The following PTPRM variants were observed in gnomAD, a reference collection of about 807,000 sequenced individuals.
PTPRM encodes receptor-type tyrosine-protein phosphatase mu.
PTPRM carries 47 observed loss-of-function variants against 186.7 expected under a neutral mutation model. That is an observed-to-expected ratio of 0.25 (90% CI 0.20 to 0.32). The LOEUF is 0.32. Ranked by LOEUF, PTPRM falls within the 10% of genes least tolerant of loss-of-function variation. The probability of loss-of-function intolerance (pLI) is 1.00; values close to 1 mark genes in which losing one functional copy is unlikely to be tolerated. For missense variants in PTPRM, 1,494 were observed against 1,865.0 expected (o/e 0.80, Z 3.66); for synonymous variants, 668 against 674.9 (o/e 0.99, Z 0.16).
chr18:8,052,256 C>T (rs2087556825), intron 7 of PTPRM, among the ~76,000 whole-genome samples: 1 of 152,178 alleles, frequency 6.6e-6, no homozygotes, highest in African/African-American at 2.4e-5. Context: ...GGCTTCATCA[C>T]AGGCCCAACA....
At chr18:8,032,636 G>A (rs1206966550) in intron 7 of PTPRM, among the ~76,000 whole-genome samples, 2 of 152,060 alleles carry the variant, frequency 1.3e-5, no homozygotes, top group African/African-American at 2.4e-5. Flanking sequence ...AGAATTATGG[G>A]CATGTGAAAC....
intron 2 of PTPRM, among the ~76,000 whole-genome samples, chr18:7,838,973 G>T (rs1028520389): frequency 6.6e-6 from 1 of 152,166 alleles, no homozygotes; most frequent in Non-Finnish European, 1.5e-5. Flanking sequence ...AGGGAGTACT[G>T]CCAGACTACC....
At position 7,705,317 on chromosome 18, in the gene PTPRM, ATCTATCTATCTG is replaced by A. The variant is rs1158885701; in HGVS notation, c.74-68823_74-68812del. On this transcript the variant is annotated intron_variant, in intron 1 of 32. Coordinates refer to ENST00000580170, the MANE Select transcript of PTPRM (RefSeq NM_001105244.2). ...TATCTATCTATCTATCTATCTATCT[ATCTATCTATCTG>A]TCTATCTAGCTAGCTAGCTAGCTAT... Among the ~76,000 whole-genome samples the A allele has an allele frequency of 5.7e-3, 831 of 147,040 alleles. 5 individuals carry two copies. Among genetic ancestry groups the A allele is most frequent in the Admixed American group, 8.4e-3 (124 of 14,800 alleles).
intron 3 of PTPRM, among the ~76,000 whole-genome samples, chr18:7,894,864 A>G (rs898883675): frequency 6.6e-6 from 1 of 152,174 alleles, no homozygotes. Flanking sequence ...AGGCTGCAGG[A>G]TATATTCTAG....
intron 1 of PTPRM, among the ~76,000 whole-genome samples, chr18:7,676,663 A>ATGTGTGTG (rs765723760): frequency 1.9e-5 from 2 of 103,052 alleles, no homozygotes; most frequent in Non-Finnish European, 2.2e-5. Context: ...GTGTGTGTGT[A>ATGTGTGTG]TGTGTGTGTG....
intron 11 of PTPRM, among the ~76,000 whole-genome samples, chr18:8,098,051 A>G (rs1189064251): frequency 6.6e-6 from 1 of 152,188 alleles, no homozygotes; most frequent in Non-Finnish European, 1.5e-5. Flanking sequence ...GTCACATACC[A>G]TATAGCTCTG....
intron 2 of PTPRM, among the ~76,000 whole-genome samples, chr18:7,808,321 G>A (rs2044338336): frequency 6.6e-6 from 1 of 152,150 alleles, no homozygotes; most frequent in African/African-American, 2.4e-5. Context: ...GCAGGGTGGG[G>A]GTGCTGGTCT....
intron 5 of PTPRM, among the ~76,000 whole-genome samples, chr18:7,930,227 C>G (rs564758402): frequency 6.6e-6 from 1 of 152,046 alleles, no homozygotes; most frequent in Non-Finnish European, 1.5e-5. Flanking sequence ...CACCACCACA[C>G]CTGGCTAATT....
intron 4 of PTPRM, among the ~76,000 whole-genome samples, chr18:7,907,361 G>T (rs1239494923): frequency 6.6e-6 from 1 of 152,176 alleles, no homozygotes; most frequent in South Asian, 2.1e-4. Flanking sequence ...GAATTGGAGG[G>T]CAGTGGTATT....
intron 7 of PTPRM, among the ~76,000 whole-genome samples, chr18:7,963,190 AG>A (rs1318171079): frequency 6.6e-6 from 1 of 152,268 alleles, no homozygotes; most frequent in African/African-American, 2.4e-5. Context: ...TACATAGGAC[AG>A]GGGCATATCA....
At chr18:7,711,882 G>C (rs1220113603) in intron 1 of PTPRM, among the ~76,000 whole-genome samples, 1 of 152,176 alleles carries the variant, frequency 6.6e-6, no homozygotes, top group African/African-American at 2.4e-5. Flanking sequence ...CAGCACCAGG[G>C]GGAAGGGGTG....
chr18:7,684,077 C>T (rs941361471), intron 1 of PTPRM, among the ~76,000 whole-genome samples: 7 of 152,116 alleles, frequency 4.6e-5, no homozygotes, highest in African/African-American at 1.7e-4. Flanking sequence ...TAAGAAAGCG[C>T]TCCACTGAGA....
Position 8,047,263 on chromosome 18 carries a change from C to T in PTPRM, c.1133-22423C>T, listed in dbSNP as rs573555559. Among the ~76,000 whole-genome samples, 13 of 152,126 alleles carry T rather than the reference C, an allele frequency of 8.5e-5. No homozygotes were observed. The South Asian group carries it at 2.5e-3, about 29-fold the overall frequency. ...GTATTCCATAGTTTTTAGGCCACTT[C>T]TAAGCAGTATTTCAAGGAAACATAC... On this transcript the variant is annotated intron_variant, in intron 7 of 32. Transcript: ENST00000580170.
intron 1 of PTPRM, among the ~76,000 whole-genome samples, chr18:7,771,447 T>C (rs1972108415): frequency 6.6e-6 from 1 of 152,244 alleles, no homozygotes; most frequent in African/African-American, 2.4e-5. Context: ...GGAAAGTTGT[T>C]AGTATTACGC....
chr18:8,319,841 CCAGGTGGAAAG>C (rs1450113503), intron 22 of PTPRM, among the ~76,000 whole-genome samples: 1 of 152,072 alleles, frequency 6.6e-6, no homozygotes, highest in Non-Finnish European at 1.5e-5. Flanking sequence ...GTTAGTTCTC[CCAGGTGGAAAG>C]CAGCTGGTGG....
intron 2 of PTPRM, among the ~76,000 whole-genome samples, chr18:7,860,796 A>G (rs1324277754): frequency 6.6e-6 from 1 of 152,140 alleles, no homozygotes; most frequent in African/African-American, 2.4e-5. Context: ...GGGGATTGTG[A>G]TGCTCTTGAG....
intron 15 of PTPRM, among the ~76,000 whole-genome samples, chr18:8,245,564 A>G (rs1456877551): frequency 2.0e-5 from 3 of 152,104 alleles, no homozygotes; most frequent in African/African-American, 7.2e-5. Context: ...AAAAATATGT[A>G]TGTATAATTT....
At chr18:7,946,080 G>C (rs1367181292) in intron 5 of PTPRM, among the ~76,000 whole-genome samples, 1 of 152,168 alleles carries the variant, frequency 6.6e-6, no homozygotes. Context: ...CTAGTCCGAG[G>C]CTGTTTATTT....
At chr18:8,386,434 C>A (rs1037374456) in intron 30 of PTPRM, among the ~76,000 whole-genome samples, 1 of 152,064 alleles carries the variant, frequency 6.6e-6, no homozygotes, top group African/African-American at 2.4e-5. Flanking sequence ...GTGAGGAAAG[C>A]GTGTTGACAA....
Sources: gnomAD v4.1 joint callset for allele counts (sites outside exome capture counted in the v4.1 genomes callset) on GRCh38, gnomAD v4.1.1 for gene constraint, MANE v1.5 for transcripts, NCBI Gene and HGNC (gene_info 2026-07-23, HGNC 2026-07-21) for gene names.